KCNH5: variants seen among roughly 807,000 people sequenced by gnomAD.
KCNH5 encodes potassium voltage-gated channel subfamily H member 5, also known as voltage-gated delayed rectifier potassium channel KCNH5.
In KCNH5, 46 loss-of-function variants were observed where a neutral mutation model predicts 96.1. The ratio of observed to expected loss-of-function variants is 0.48; its 90% confidence interval spans 0.38 to 0.61. KCNH5 has a LOEUF of 0.61. Among genes scored for constraint, KCNH5 ranks in the 20% least tolerant of loss-of-function variants. The pLI, the probability that KCNH5 is intolerant of heterozygous loss-of-function variation, is 0.00. For synonymous variants in KCNH5, 439 were observed against 449.8 expected (o/e 0.98, Z 0.30); for missense variants, 907 against 1,225.8 (o/e 0.74, Z 3.88).
chr14:62,911,832 C>T (rs1190349886), intron 7 of KCNH5, among the ~76,000 whole-genome samples: 1 of 151,132 alleles, frequency 6.6e-6, no homozygotes, highest in Non-Finnish European at 1.5e-5. Context: ...GCCAGGAGTT[C>T]CAGACAAGCC....
intron 10 of KCNH5, among the ~76,000 whole-genome samples, chr14:62,773,686 C>T (rs1358694755): frequency 6.6e-6 from 1 of 152,150 alleles, no homozygotes. Context: ...TATGTTCTTG[C>T]TATCTTGAAA....
intron 10 of KCNH5, among the ~76,000 whole-genome samples, chr14:62,738,372 G>C (rs1885202438): frequency 6.6e-6 from 1 of 152,054 alleles, no homozygotes; most frequent in South Asian, 2.1e-4. Context: ...CCACAGAAAG[G>C]GAAACTGCAG....
intron 8 of KCNH5, among the ~76,000 whole-genome samples, chr14:62,808,463 G>T (rs951218321): frequency 1.3e-5 from 2 of 151,942 alleles, no homozygotes; most frequent in Middle Eastern, 3.2e-3. Flanking sequence ...GGTTATAAAA[G>T]GTTTATAAGA....
At chr14:62,735,361 C>T (rs1053293962) in intron 10 of KCNH5, among the ~76,000 whole-genome samples, 4 of 152,102 alleles carry the variant, frequency 2.6e-5, no homozygotes, top group East Asian at 1.9e-4. Context: ...AACAGCAAGG[C>T]AAGGCTATTC....
intron 4 of KCNH5, among the ~76,000 whole-genome samples, chr14:62,990,658 G>T (rs114279678): frequency 6.6e-6 from 1 of 151,942 alleles, no homozygotes; most frequent in African/African-American, 2.4e-5. Context: ...AGATGAAAAG[G>T]GAAGTGACTG....
intron 7 of KCNH5, among the ~76,000 whole-genome samples, chr14:62,869,736 T>A (rs1888213618): frequency 6.6e-6 from 1 of 152,126 alleles, no homozygotes; most frequent in Non-Finnish European, 1.5e-5. Flanking sequence ...ATGGTACTGG[T>A]ACCAAAACAG....
At chr14:62,957,699 G>A (rs1038949777) in intron 6 of KCNH5, among the ~76,000 whole-genome samples, 3 of 152,142 alleles carry the variant, frequency 2.0e-5, no homozygotes, top group African/African-American at 4.8e-5. Flanking sequence ...CTGTGGTCTT[G>A]GAAGCCAGCC....
At chr14:62,905,472 T>G (rs1439630143) in intron 7 of KCNH5, among the ~76,000 whole-genome samples, 1 of 152,162 alleles carries the variant, frequency 6.6e-6, no homozygotes, top group Non-Finnish European at 1.5e-5. Flanking sequence ...TGCTAAGATC[T>G]CCTTTCTATC....
intron 10 of KCNH5, among the ~76,000 whole-genome samples, chr14:62,762,514 C>T (rs1885773339): frequency 6.6e-6 from 1 of 152,204 alleles, no homozygotes; most frequent in Non-Finnish European, 1.5e-5. Flanking sequence ...TCCACCACAA[C>T]GTCACCCCAC....
chr14:62,838,631 T>C (rs1408066172), intron 8 of KCNH5, among the ~76,000 whole-genome samples: 2 of 152,156 alleles, frequency 1.3e-5, no homozygotes, highest in East Asian at 3.9e-4. Context: ...AATTAAGGTG[T>C]GATAAGGAGA....
intron 8 of KCNH5, among the ~76,000 whole-genome samples, chr14:62,846,926 G>A (rs1464616796): frequency 5.5e-5 from 8 of 145,638 alleles, no homozygotes; most frequent in Admixed American, 2.8e-4. Flanking sequence ...TCAGCCTCTC[G>A]AGTAGCTGGG....
chr14:62,995,971 G>A (rs1261190456), intron 4 of KCNH5, among the ~76,000 whole-genome samples: 2 of 151,992 alleles, frequency 1.3e-5, no homozygotes, highest in African/African-American at 4.8e-5. Context: ...AACAGGCTCA[G>A]GTTAAGTAAC....
Position 62,849,642 on chromosome 14 carries a change from A to G in KCNH5, c.1569+11T>C. The G allele has an allele frequency of 6.2e-7, 1 of 1,608,030 alleles. No homozygotes were observed. The highest frequency in any genetic ancestry group is 8.5e-7 in the Non-Finnish European group (1 of 1,174,916). Reference sequence around the variant, plus strand: ...AAATAGAAACTAAATAATAACAATAATAACCCATACCTTTTCTGTATCAAT... The same window carrying G: ...AAATAGAAACTAAATAATAACAATAGTAACCCATACCTTTTCTGTATCAAT... On this transcript the variant is annotated intron_variant, in intron 8 of 10. Transcript: ENST00000322893.
intron 8 of KCNH5, among the ~76,000 whole-genome samples, chr14:62,847,544 G>A (rs1887724686): frequency 6.6e-6 from 1 of 152,102 alleles, no homozygotes; most frequent in Non-Finnish European, 1.5e-5. Flanking sequence ...ATTTGTCACA[G>A]TTATTTAAAT....
intron 2 of KCNH5, among the ~76,000 whole-genome samples, chr14:63,012,332 T>C (rs990543231): frequency 3.9e-5 from 6 of 152,184 alleles, no homozygotes; most frequent in African/African-American, 1.4e-4. Flanking sequence ...GAAAGTGTCA[T>C]AGTGTCATAA....
chr14:62,766,929 A>G (rs375966496), intron 10 of KCNH5, among the ~76,000 whole-genome samples: 2 of 152,188 alleles, frequency 1.3e-5, no homozygotes, highest in African/African-American at 4.8e-5. Flanking sequence ...ATATCAAAAC[A>G]TCTCATGTAC....
At chr14:62,807,660 C>T (rs1886794679) in intron 8 of KCNH5, among the ~76,000 whole-genome samples, 1 of 151,888 alleles carries the variant, frequency 6.6e-6, no homozygotes, top group South Asian at 2.1e-4. Flanking sequence ...TTCGCCATGC[C>T]CCCTAGCTAT....
intron 7 of KCNH5, among the ~76,000 whole-genome samples, chr14:62,925,381 G>A (rs1297332631): frequency 1.3e-5 from 2 of 151,928 alleles, no homozygotes; most frequent in African/African-American, 4.8e-5. Context: ...TGTAACTGTA[G>A]CTTGCATATT....
rs1406349525 is a variant in KCNH5 at position 63,005,067 on chromosome 14, A to C, written c.304+1299T>G. ...TTATCAATATGTACTTAGACTTGGC[A>C]AAAAAAGACCCAGAAAGCACCTACA... On this transcript the variant is annotated intron_variant, in intron 3 of 10. Coordinates refer to ENST00000322893, the MANE Select transcript of KCNH5 (RefSeq NM_139318.5). Among the ~76,000 whole-genome samples, 4 of 152,234 alleles carry C rather than the reference A, an allele frequency of 2.6e-5. No individual in the cohort carries two copies. The South Asian group carries it at 8.3e-4, about 32-fold the overall frequency.
Sources: gnomAD v4.1 joint callset for allele counts (sites outside exome capture counted in the v4.1 genomes callset) on GRCh38, gnomAD v4.1.1 for gene constraint, MANE v1.5 for transcripts, NCBI Gene and HGNC (gene_info 2026-07-23, HGNC 2026-07-21) for gene names.